CLVS1: variants seen among roughly 807,000 people sequenced by gnomAD.
CLVS1 encodes the protein clavesin-1.
CLVS1 carries 10 observed loss-of-function variants against 33.1 expected under a neutral mutation model. That is an observed-to-expected ratio of 0.30 (90% CI 0.19 to 0.51). The LOEUF (loss-of-function observed/expected upper bound fraction) is 0.51. Among genes scored for constraint, CLVS1 ranks in the 20% least tolerant of loss-of-function variants. The pLI, the probability that CLVS1 is intolerant of heterozygous loss-of-function variation, is 0.97. For missense variants in CLVS1, 343 were observed against 433.4 expected (o/e 0.79, Z 1.85); for synonymous variants, 163 against 166.1 (o/e 0.98, Z 0.14).
chr8:61,230,835 G>A (rs1028863498), intron 2 of CLVS1, among the ~76,000 whole-genome samples: 2 of 152,170 alleles, frequency 1.3e-5, no homozygotes, highest in Non-Finnish European at 2.9e-5. Context: ...TCAAGACACT[G>A]GCAGACTTGG....
the CLVS1 span, among the ~76,000 whole-genome samples, chr8:60,996,153 A>G: frequency 6.6e-6 from 1 of 152,210 alleles, no homozygotes; most frequent in African/African-American, 2.4e-5. Flanking sequence ...CCTAAAACTT[A>G]AAGTATAATA....
intron 2 of CLVS1, among the ~76,000 whole-genome samples, chr8:61,188,339 A>G (rs1365091709): frequency 6.6e-6 from 1 of 152,134 alleles, no homozygotes; most frequent in East Asian, 1.9e-4. Context: ...TTCATTCTAG[A>G]CCACAGAGTA....
At chr8:61,093,514 G>C (rs1202028808) in intron 1 of CLVS1, among the ~76,000 whole-genome samples, 1 of 152,170 alleles carries the variant, frequency 6.6e-6, no homozygotes, top group African/African-American at 2.4e-5. Context: ...TCATTTTCCT[G>C]TCATTCTGCA....
chr8:61,177,489 C>T (rs1807139986), intron 2 of CLVS1, among the ~76,000 whole-genome samples: 1 of 152,206 alleles, frequency 6.6e-6, no homozygotes, highest in Non-Finnish European at 1.5e-5. Context: ...AATCAAAGTG[C>T]TTTGTTAAAT....
the CLVS1 span, among the ~76,000 whole-genome samples, chr8:60,989,451 T>TA: frequency 6.6e-6 from 1 of 152,130 alleles, no homozygotes. Flanking sequence ...TGCAGATTCT[T>TA]AACAGAGCAT....
chr8:61,091,713 A>G lies in CLVS1; in HGVS notation c.-243+34483A>G, dbSNP rs16926830. 6.5e-3 allele frequency among the ~76,000 whole-genome samples: 993 copies of G among 152,348 alleles called. 66 individuals carry two copies. The East Asian group carries it at 0.16, about 24-fold the overall frequency. On this transcript the variant is annotated intron_variant, in intron 1 of 2. Coordinates refer to the CLVS1 transcript ENST00000522621. ...ATACTTCAGCTTTTACTAAATATCT[A>G]AACTAACCCTACTAAATAAAAAACC...
intron 5 of CLVS1, among the ~76,000 whole-genome samples, chr8:61,472,818 C>T (rs899865504): frequency 4.6e-5 from 7 of 152,058 alleles, no homozygotes; most frequent in Non-Finnish European, 1.0e-4. Context: ...TACTTTTCCT[C>T]TCTAGAAAGG....
At position 61,192,527 on chromosome 8, in the gene CLVS1, A is replaced by G. The variant is rs571093678; in HGVS notation, c.-152+60667A>G. ...ACAAAAGCTAATATTGTCAAATACG[A>G]TCTAATTAAAGAGCTTCTGCACAGC... On this transcript the variant is annotated intron_variant, in intron 2 of 2. Coordinates refer to the CLVS1 transcript ENST00000522621. Among the ~76,000 whole-genome samples, 16 of 152,330 alleles carry G rather than the reference A, an allele frequency of 1.1e-4. 1 individual carries two copies. The highest frequency in any genetic ancestry group is 3.6e-4 in the African/African-American group (15 of 41,580).
At chr8:61,417,193 TGAG>T (rs1260461527) in intron 3 of CLVS1, among the ~76,000 whole-genome samples, 2 of 152,100 alleles carry the variant, frequency 1.3e-5, no homozygotes, top group Non-Finnish European at 2.9e-5. Flanking sequence ...GGGCATGGAA[TGAG>T]GAGGAGAAAG....
At position 61,337,648 on chromosome 8, in the gene CLVS1, G is replaced by T. The variant is rs568942358; in HGVS notation, c.455+37366G>T. ...AATTTGTGATGTGGGCTGTTTATGT[G>T]TCTTCCCATACAACCATTTAATCTG... On this transcript the variant is annotated intron_variant, in intron 2 of 5. Coordinates refer to ENST00000325897, the MANE Select transcript of CLVS1 (RefSeq NM_173519.3). 2.6e-5 allele frequency among the ~76,000 whole-genome samples: 4 copies of T among 152,304 alleles called. No individual in the cohort carries two copies. The South Asian group carries it at 8.3e-4, about 32-fold the overall frequency.
intron 1 of CLVS1, among the ~76,000 whole-genome samples, chr8:61,127,788 C>T (rs1346842356): frequency 2.0e-5 from 3 of 151,886 alleles, no homozygotes; most frequent in African/African-American, 7.3e-5. Flanking sequence ...ACAGATATTC[C>T]CTCTCCTCAT....
intron 1 of CLVS1, among the ~76,000 whole-genome samples, chr8:61,122,602 A>ACACACC (rs1554537355): frequency 2.6e-5 from 4 of 151,708 alleles, no homozygotes; most frequent in Admixed American, 1.3e-4. Context: ...ACACACACAC[A>ACACACC]CACACACACA....
intron 2 of CLVS1, among the ~76,000 whole-genome samples, chr8:61,215,684 G>A (rs538042848): frequency 4.6e-5 from 1 of 21,724 alleles, no homozygotes; most frequent in Non-Finnish European, 6.2e-5. Context: ...AATTGAAAAT[G>A]TGTGTGTGTG....
Position 61,263,474 on chromosome 8 carries a change from AG to A in CLVS1, c.-151-36201del, listed in dbSNP as rs1232693698. Among the ~76,000 whole-genome samples the A allele has an allele frequency of 3.9e-5, 6 of 152,340 alleles. No homozygotes were observed. The East Asian group carries it at 1.2e-3, about 29-fold the overall frequency. ...TAGCTCTCCTTCAGCAAGTGTTGGAAGGCTGCTCAGTTCCTGTCTAACTCCT... is the reference window on the plus strand; with the variant it reads ...TAGCTCTCCTTCAGCAAGTGTTGGAAGCTGCTCAGTTCCTGTCTAACTCCT... On this transcript the variant is annotated intron_variant, in intron 2 of 2. Transcript: ENST00000522621.
At chr8:61,010,597 G>A in the CLVS1 span, among the ~76,000 whole-genome samples, 2 of 152,216 alleles carry the variant, frequency 1.3e-5, no homozygotes, top group Admixed American at 1.3e-4. Context: ...ATTAAAGAGT[G>A]GGCCAGATTA....
rs1249634041 is a variant in CLVS1 at position 61,410,021 on chromosome 8, A to ATTTTCTTT, written c.630+33243_630+33244insTTTCTTTT. Among the ~76,000 whole-genome samples, 126 of 144,712 alleles carry ATTTTCTTT rather than the reference A, an allele frequency of 8.7e-4. 1 individual carries two copies. Among genetic ancestry groups the ATTTTCTTT allele is most frequent in the Middle Eastern group, 3.6e-3 (1 of 274 alleles). The allele number at this position is 144,712 out of a possible 152,430, so 94.9% of individuals were successfully genotyped here. ...TCACTTTTTGTGCTATGAATTGCAAATGTTTCTCAATTTTCTTTCATTTGT... is the reference window on the plus strand; with the variant it reads ...TCACTTTTTGTGCTATGAATTGCAAATTTTCTTTTGTTTCTCAATTTTCTTTCATTTGT... On this transcript the variant is annotated intron_variant, in intron 3 of 5. Transcript: ENST00000325897.
chr8:61,288,193 C>G, intron 1 of CLVS1, 55 bp downstream of exon 1: 1 of 456,332 alleles, frequency 2.2e-6, no homozygotes, highest in Non-Finnish European at 4.4e-6. Flanking sequence ...CCGCCTTTCC[C>G]CCGCTCTTTC....
chr8:61,219,184 C>A (rs1188425177), intron 2 of CLVS1, among the ~76,000 whole-genome samples: 2 of 151,782 alleles, frequency 1.3e-5, no homozygotes, highest in Non-Finnish European at 2.9e-5. Flanking sequence ...TTCTTTATTT[C>A]TTCTTTTAGA....
chr8:61,456,913 G>A lies in CLVS1; in HGVS notation c.742-1394G>A, dbSNP rs150166693. 5.5e-3 allele frequency among the ~76,000 whole-genome samples: 778 copies of A among 140,970 alleles called. 6 individuals carry two copies. Among genetic ancestry groups the A allele is most frequent in the African/African-American group, 0.02 (736 of 35,970 alleles). The allele number at this position is 140,970 out of a possible 152,430, so 92.5% of individuals were successfully genotyped here. On this transcript the variant is annotated intron_variant, in intron 4 of 5. Coordinates refer to ENST00000325897, the MANE Select transcript of CLVS1 (RefSeq NM_173519.3). ...AGCTTGGGCAACAGAGCAAGACTCC[G>A]TCTCAAAAAAAAAAAAAAATACATA...
Sources: allele counts gnomAD v4.1 joint callset (sites outside exome capture counted in the v4.1 genomes callset), GRCh38; gene constraint gnomAD v4.1.1; transcripts MANE v1.5; gene names NCBI Gene and HGNC (gene_info 2026-07-23, HGNC 2026-07-21).